C3orf20: variants seen among roughly 807,000 people sequenced by gnomAD.
C3orf20 encodes the protein family with sequence similarity 149 member C.
C3orf20 carries 76 observed loss-of-function variants against 88.3 expected under a neutral mutation model. That is an observed-to-expected ratio of 0.86 (90% CI 0.72 to 1.04). The LOEUF (loss-of-function observed/expected upper bound fraction) is 1.04. Among genes scored for constraint, C3orf20 ranks in the 50% least tolerant of loss-of-function variants. C3orf20 has a pLI of 0.00. For missense variants in C3orf20, 1,056 were observed against 1,123.3 expected, an observed-to-expected ratio of 0.94 and a Z score of 0.86; for synonymous variants, 436 against 437.4, an observed-to-expected ratio of 1.00 and a Z score of 0.04.
intron 4 of C3orf20, among the ~76,000 whole-genome samples, chr3:14,684,621 C>T (rs955600257): frequency 1.6e-4 from 24 of 152,184 alleles, no homozygotes; most frequent in African/African-American, 5.3e-4. Flanking sequence ...CCAGCAGCTC[C>T]TCTTAGAGGT....
intron 5 of C3orf20, among the ~76,000 whole-genome samples, chr3:14,699,176 T>C (rs1431863645): frequency 6.6e-6 from 1 of 152,004 alleles, no homozygotes; most frequent in Non-Finnish European, 1.5e-5. Flanking sequence ...CCAGGACAGG[T>C]ATAGAAATGC....
chr3:14,756,514 T>C (rs1272692926), intron 12 of C3orf20, among the ~76,000 whole-genome samples: 1 of 152,024 alleles, frequency 6.6e-6, no homozygotes, highest in African/African-American at 2.4e-5. Context: ...TAGCAAGCAA[T>C]GCTAAGAAGA....
At chr3:14,714,189 CG>C (rs765870662) in intron 8 of C3orf20, 30 bp downstream of exon 8, 1 of 1,609,840 alleles carries the variant, frequency 6.2e-7, no homozygotes, top group African/African-American at 1.3e-5. Flanking sequence ...ACTAGTCACA[CG>C]GAAGTACCTC....
chr3:14,683,122 T>C lies in C3orf20; in HGVS notation c.409T>C (p.Phe137Leu), dbSNP rs746403927. ...CACCCACCAGGAGACCCTGAACAGG[T>C]TTCAGCAGCAGTCCATCCACCTGCT... is the stretch of plus-strand genomic sequence containing the variant. ...VRTHQETLNR[F>L]QQQSIHLLTE... Residue 137 changes from phenylalanine (F) to leucine (L), a missense_variant, in exon 3 of 17, where the codon TTT becomes CTT. Coordinates refer to ENST00000253697, the MANE Select transcript of C3orf20 (RefSeq NM_032137.5). The C allele has an allele frequency of 1.2e-6, 2 of 1,613,982 alleles. No homozygotes were observed. The highest frequency in any genetic ancestry group is 1.7e-6 in the Non-Finnish European group (2 of 1,179,970).
chr3:14,703,811 C>T (rs2033381045), intron 6 of C3orf20, among the ~76,000 whole-genome samples: 1 of 152,252 alleles, frequency 6.6e-6, no homozygotes, highest in Admixed American at 6.5e-5. Context: ...TTTTATCATT[C>T]TGTGGGGCCA....
At chr3:14,718,108 C>G (rs925278364) in intron 9 of C3orf20, among the ~76,000 whole-genome samples, 1 of 152,084 alleles carries the variant, frequency 6.6e-6, no homozygotes, top group Admixed American at 6.5e-5. Flanking sequence ...TCTAAATCTT[C>G]TTTGGAAAAT....
chr3:14,699,954 C>G (rs1336883416), intron 5 of C3orf20, among the ~76,000 whole-genome samples: 1 of 152,186 alleles, frequency 6.6e-6, no homozygotes, highest in Admixed American at 6.5e-5. Flanking sequence ...TCCCCTTTGG[C>G]TAGGGCAGGT....
chr3:14,718,962 C>T (rs1416954365), intron 9 of C3orf20, among the ~76,000 whole-genome samples: 1 of 152,158 alleles, frequency 6.6e-6, no homozygotes, highest in Non-Finnish European at 1.5e-5. Context: ...GTTCCATCCT[C>T]TGGGTTCTGC....
At position 14,772,054 on chromosome 3, in the gene C3orf20, G is replaced by T; in HGVS notation, c.2496-13G>T. The T allele has an allele frequency of 6.2e-7, 1 of 1,614,116 alleles. No individual in the cohort carries two copies. The highest frequency in any genetic ancestry group is 8.5e-7 in the Non-Finnish European group (1 of 1,179,998). ...GGCCCTGAGCACTGCCCCCGACCCT[G>T]CCTCCCCTGCAGTGTTCCCAACTCT... On this transcript the variant is annotated splice_polypyrimidine_tract_variant and intron_variant, in intron 15 of 16. Coordinates refer to ENST00000253697, the MANE Select transcript of C3orf20 (RefSeq NM_032137.5). This position sits in a 1 kb window ranked among gnomAD's most constrained non-coding sequence, Gnocchi z 4.2.
At chr3:14,712,159 C>T (rs1266126751) in intron 7 of C3orf20, among the ~76,000 whole-genome samples, 1 of 106,898 alleles carries the variant, frequency 9.4e-6, no homozygotes, top group East Asian at 2.5e-4. Flanking sequence ...AACAGACACA[C>T]ACACGCACAC....
intron 1 of C3orf20, among the ~76,000 whole-genome samples, chr3:14,681,723 A>G (rs991645907): frequency 1.3e-5 from 2 of 152,218 alleles, no homozygotes; most frequent in Admixed American, 1.3e-4. Context: ...AAAGACTGCT[A>G]TCAGGTTCAT....
intron 10 of C3orf20, among the ~76,000 whole-genome samples, chr3:14,723,246 C>T (rs1372469679): frequency 6.6e-6 from 1 of 152,192 alleles, no homozygotes; most frequent in African/African-American, 2.4e-5. Flanking sequence ...GCTGGCAGAG[C>T]CCAGCAAGGG....
chr3:14,728,362 A>ATC, intron 11 of C3orf20, 77 bp from the exon 12 acceptor site: 2 of 1,578,588 alleles, frequency 1.3e-6, no homozygotes, highest in Non-Finnish European at 1.7e-6. Context: ...GTGCACTTAG[A>ATC]TGTTTCCAGT....
In C3orf20 at chr3:14,759,965, G is replaced by A. The variant is rs961783559; in HGVS notation, c.2319G>A (p.Val773=). The A allele has an allele frequency of 5.6e-6, 9 of 1,614,078 alleles. No individual in the cohort carries two copies. Among genetic ancestry groups the A allele is most frequent in the Non-Finnish European group, 7.6e-6 (9 of 1,179,962 alleles). The part of the protein sequence containing the change: ...SPLQEDPPLM[V]KKNSVVQGMI... Reference sequence around the variant, plus strand: ...TGCAGGAGGACCCTCCCCTGATGGTGAAGAAGAACTCTGTGGTGCAGGGGA... The same window carrying A: ...TGCAGGAGGACCCTCCCCTGATGGTAAAGAAGAACTCTGTGGTGCAGGGGA... Residue 773 remains valine, a synonymous_variant, in exon 14 of 17, where the codon GTG becomes GTA. Coordinates refer to ENST00000253697, the MANE Select transcript of C3orf20 (RefSeq NM_032137.5).
chr3:14,746,608 T>C (rs1281576286), intron 12 of C3orf20, among the ~76,000 whole-genome samples: 1 of 152,226 alleles, frequency 6.6e-6, no homozygotes, highest in Admixed American at 6.5e-5. Context: ...TGTCCCTCAG[T>C]GTCAGGATGG....
At chr3:14,700,094 ACT>A (rs1436466850) in intron 5 of C3orf20, among the ~76,000 whole-genome samples, 1 of 151,726 alleles carries the variant, frequency 6.6e-6, no homozygotes, top group Admixed American at 6.6e-5. Flanking sequence ...AAATGCATAG[ACT>A]CTCTGTGCCT....
At chr3:14,726,564 G>T (rs2034354843) in intron 10 of C3orf20, among the ~76,000 whole-genome samples, 1 of 152,226 alleles carries the variant, frequency 6.6e-6, no homozygotes, top group Non-Finnish European at 1.5e-5. Flanking sequence ...CCAGAAGCTT[G>T]CAGTCTAGTG....
intron 4 of C3orf20, among the ~76,000 whole-genome samples, chr3:14,686,048 GACGGGGTTTC>G (rs2032410478): frequency 1.3e-5 from 2 of 152,156 alleles, no homozygotes; most frequent in South Asian, 4.2e-4. Flanking sequence ...TTTTAGTAGA[GACGGGGTTTC>G]ACCATGTTGG....
At chr3:14,683,951 C>G (rs1337154069) in intron 3 of C3orf20, among the ~76,000 whole-genome samples, 2 of 151,482 alleles carry the variant, frequency 1.3e-5, no homozygotes, top group East Asian at 3.9e-4. Context: ...CCAGGACCTA[C>G]AGCAGCACCA....
Sources: allele counts gnomAD v4.1 joint callset (sites outside exome capture counted in the v4.1 genomes callset), GRCh38; gene constraint gnomAD v4.1.1; non-coding constraint Gnocchi (gnomAD v3.1); transcripts MANE v1.5; gene names NCBI Gene and HGNC (gene_info 2026-07-23, HGNC 2026-07-21).